IL17RD: variants seen among roughly 807,000 people sequenced by gnomAD.
IL17RD encodes interleukin-17 receptor D.
In IL17RD, 52 loss-of-function variants were observed where a neutral mutation model predicts 80.5. The observed-to-expected ratio is 0.65, with a 90% CI of 0.52 to 0.81. The LOEUF (loss-of-function observed/expected upper bound fraction) is 0.81, where lower values mean the gene tolerates loss of function less well. IL17RD is among the 40% of genes least tolerant of loss of function. The probability of loss-of-function intolerance (pLI) is 0.00; values close to 1 mark genes in which losing one functional copy is unlikely to be tolerated. For synonymous variants in IL17RD, 416 were observed against 391.8 expected, an observed-to-expected ratio of 1.06 and a Z score of -0.73; for missense variants, 1,024 against 955.1, an observed-to-expected ratio of 1.07 and a Z score of -0.95.
chr3:57,105,552 A>AAAAAAAAAAATATATATATATATAT, intron 7 of IL17RD, among the ~76,000 whole-genome samples: 3 of 63,592 alleles, frequency 4.7e-5, no homozygotes, highest in African/African-American at 9.3e-5. Flanking sequence ...AAAAAAAAAA[A>AAAAAAAAAAATATATATATATATAT]ATATATATAT....
intron 1 of IL17RD, among the ~76,000 whole-genome samples, chr3:57,130,847 A>C (rs910927834): frequency 6.6e-6 from 1 of 152,200 alleles, no homozygotes; most frequent in African/African-American, 2.4e-5. Flanking sequence ...CAACAACAAC[A>C]ACAAAAAAGC....
intron 1 of IL17RD, among the ~76,000 whole-genome samples, chr3:57,142,953 C>T (rs1245228012): frequency 6.6e-6 from 1 of 151,954 alleles, no homozygotes; most frequent in Non-Finnish European, 1.5e-5. Context: ...ATAAAGTTTC[C>T]CTTCATTTTC....
chr3:57,151,326 T>A (rs2060218641), intron 1 of IL17RD, among the ~76,000 whole-genome samples: 1 of 152,204 alleles, frequency 6.6e-6, no homozygotes, highest in African/African-American at 2.4e-5. Context: ...AATGTAATGT[T>A]ATCCACAGAC....
chr3:57,127,173 G>A (rs1241682258), intron 1 of IL17RD, among the ~76,000 whole-genome samples: 1 of 128,016 alleles, frequency 7.8e-6, no homozygotes, highest in Non-Finnish European at 1.6e-5. Flanking sequence ...TTAAAACTAA[G>A]GCCAACTCAT....
chr3:57,146,820 CTTTT>C (rs761583197), intron 1 of IL17RD, among the ~76,000 whole-genome samples: 9 of 101,216 alleles, frequency 8.9e-5, no homozygotes, highest in Non-Finnish European at 1.7e-4. Flanking sequence ...GAGAGGTATT[CTTTT>C]TTTTTTTTTT....
intron 12 of IL17RD, 167 bp downstream of exon 12, chr3:57,097,429 A>C: frequency 1.6e-6 from 1 of 626,058 alleles, no homozygotes; most frequent in Non-Finnish European, 2.9e-6. Context: ...CAAACATGTG[A>C]GTACTCCCAT....
intron 1 of IL17RD, among the ~76,000 whole-genome samples, chr3:57,141,285 A>G (rs1474913877): frequency 1.3e-5 from 2 of 152,168 alleles, no homozygotes; most frequent in Non-Finnish European, 1.5e-5. Context: ...GAGGGCATAA[A>G]AAAGAACTTC....
intron 8 of IL17RD, 91 bp from the exon 9 acceptor site, chr3:57,103,236 T>G (rs914551678): frequency 1.8e-5 from 21 of 1,155,710 alleles, no homozygotes; most frequent in Non-Finnish European, 2.7e-5. Context: ...ATCTTTTCCA[T>G]CAGTGGGCAG....
intron 1 of IL17RD, among the ~76,000 whole-genome samples, chr3:57,159,776 C>A (rs1050525367): frequency 3.9e-5 from 6 of 152,230 alleles, no homozygotes; most frequent in African/African-American, 1.4e-4. Flanking sequence ...CTGTCAAGCT[C>A]CCTGATAGCT....
At chr3:57,144,469 T>G (rs992511346) in intron 1 of IL17RD, among the ~76,000 whole-genome samples, 1 of 152,228 alleles carries the variant, frequency 6.6e-6, no homozygotes, top group African/African-American at 2.4e-5. Flanking sequence ...AGCTATAACC[T>G]TATCTTCTTA....
chr3:57,135,920 G>A (rs1377055248), intron 1 of IL17RD, among the ~76,000 whole-genome samples: 2 of 152,308 alleles, frequency 1.3e-5, no homozygotes, highest in South Asian at 2.1e-4. Flanking sequence ...GTATACACAC[G>A]TTGATACGCT....
Position 57,099,661 on chromosome 3 carries a change from A to G in IL17RD, c.1165-1123T>C, listed in dbSNP as rs79058427. Among the ~76,000 whole-genome samples, 1,422 of 152,326 alleles carry G rather than the reference A, an allele frequency of 9.3e-3. 23 individuals carry two copies. Among genetic ancestry groups the G allele is most frequent in the African/African-American group, 0.033 (1,352 of 41,570 alleles). On this transcript the variant is annotated intron_variant, in intron 11 of 12. Coordinates refer to ENST00000296318, the MANE Select transcript of IL17RD (RefSeq NM_017563.5). ...AATTCTTGTTAACATTACACATGCT[A>G]AAAGCTCAGTGGGAGTATATACCAA...
At position 57,110,469 on chromosome 3, in the gene IL17RD, C is replaced by T. The variant is rs544495333; in HGVS notation, c.311-158G>A. Among the ~76,000 whole-genome samples the T allele has an allele frequency of 5.6e-4, 85 of 152,302 alleles. 1 individual carries two copies. The highest frequency in any genetic ancestry group is 1.9e-3 in the African/African-American group (81 of 41,566). On this transcript the variant is annotated intron_variant, in intron 3 of 12. Coordinates refer to ENST00000296318, the MANE Select transcript of IL17RD (RefSeq NM_017563.5). ...GAGTCTATAGAATGGAAAAAACACA[C>T]CCCCTGCATTCCTCTGGTAAAGACC...
At position 57,091,852 on chromosome 3, in the gene IL17RD, CCTGT is replaced by C. The variant is rs1706562362; in HGVS notation, c.*4537_*4540del. On this transcript the variant is annotated 3_prime_UTR_variant, in exon 13 of 13. Coordinates refer to ENST00000296318, the MANE Select transcript of IL17RD (RefSeq NM_017563.5). ...ATGTCTGGAATAATTCAGGCACAGC[CCTGT>C]CTGACACCAGGGGGAGAATATGCTA... 6.6e-6 allele frequency: 1 copy of C among 152,108 alleles called. No homozygotes were observed. The highest frequency in any genetic ancestry group is 6.5e-5 in the Admixed American group (1 of 15,278). The allele number at this position is 152,108 out of a possible 1,614,324, so 9.4% of individuals were successfully genotyped here.
At chr3:57,114,841 C>T in intron 2 of IL17RD, 24 bp from the exon 3 acceptor site, 1 of 1,512,590 alleles carries the variant, frequency 6.6e-7, no homozygotes, top group African/African-American at 1.4e-5. Flanking sequence ...AGAATGAGAA[C>T]AGTTAAATTT....
At chr3:57,151,581 A>G (rs2060222336) in intron 1 of IL17RD, among the ~76,000 whole-genome samples, 2 of 152,218 alleles carry the variant, frequency 1.3e-5, no homozygotes, top group South Asian at 4.1e-4. Context: ...AAGAGGGCTG[A>G]GAAATCAAAA....
rs1367697299 is a variant in IL17RD, at chr3:57,148,097, G to GT, written c.126+17063_126+17064insA. ...TTTGGGAGGCCAAGGTTGGGGGGGG[G>GT]GGGGGGGCGATCGCTAGGTCAAGAG... On this transcript the variant is annotated intron_variant, in intron 1 of 12. Transcript: ENST00000296318. 9.8e-5 allele frequency among the ~76,000 whole-genome samples: 11 copies of GT among 111,880 alleles called. 1 individual carries two copies. Among genetic ancestry groups the GT allele is most frequent in the Admixed American group, 1.9e-4 (2 of 10,512 alleles). The allele number at this position is 111,880 out of a possible 152,430, so 73.4% of individuals were successfully genotyped here. A position where few individuals can be genotyped will look rare whatever the true frequency, so the allele number is the denominator to read the frequency against.
intron 1 of IL17RD, among the ~76,000 whole-genome samples, chr3:57,145,424 A>G (rs921178776): frequency 3.3e-5 from 5 of 152,224 alleles, no homozygotes; most frequent in African/African-American, 1.2e-4. Context: ...CATGTACGCA[A>G]GCAACACAGG....
intron 1 of IL17RD, 144 bp from the exon 2 acceptor site, chr3:57,120,457 C>T (rs1013503301): frequency 4.2e-5 from 27 of 650,016 alleles, no homozygotes; most frequent in Middle Eastern, 3.9e-4. Flanking sequence ...TCTTTCTGCC[C>T]GCTTCATGGC....
Sources: allele counts gnomAD v4.1 joint callset (sites outside exome capture counted in the v4.1 genomes callset), GRCh38; gene constraint gnomAD v4.1.1; transcripts MANE v1.5; gene names NCBI Gene and HGNC (gene_info 2026-07-23, HGNC 2026-07-21).